ZNF425: variants seen among roughly 807,000 people sequenced by gnomAD.
ZNF425 encodes zinc finger protein 425.
A neutral mutation model predicts 17.0 loss-of-function variants in ZNF425; 21 were observed. That is an observed-to-expected ratio of 1.23 (90% CI 0.88 to 1.78). The LOEUF (loss-of-function observed/expected upper bound fraction) is 1.78. ZNF425 is among the 40% of genes most tolerant of loss of function. The pLI, the probability that ZNF425 is intolerant of heterozygous loss-of-function variation, is 0.00. For missense variants in ZNF425, 868 were observed against 967.3 expected, an observed-to-expected ratio of 0.90 and a Z score of 1.36; for synonymous variants, 433 against 384.1, an observed-to-expected ratio of 1.13 and a Z score of -1.49.
At chr7:149,112,329 C>T in intron 2 of ZNF425, 34 bp from the exon 3 acceptor site, 2 of 1,592,720 alleles carry the variant, frequency 1.3e-6, no homozygotes, top group Non-Finnish European at 1.7e-6. Flanking sequence ...TTTGAGTTTA[C>T]TGCATACTTA....
chr7:149,104,199 C>T lies in ZNF425; in HGVS notation c.1672G>A (p.Glu558Lys), dbSNP rs758903508. The T allele has an allele frequency of 6.2e-6, 10 of 1,612,682 alleles. 1 individual carries two copies. The East Asian group carries it at 1.1e-4, about 18-fold the overall frequency. The stretch of plus-strand genomic sequence containing the variant: ...TTCCAGGAGAAGCTCTTGTCGCACT[C>T]GGGACACTGGAAGGGCTCCTCGCCA... ...HSGEEPFQCP[E>K]CDKSFSWKAS... The change falls in exon 4 of 4, where the codon GAG becomes AAG. Residue 558 changes from glutamate to lysine, a missense_variant. Around this residue, in one of 5 missense-constraint regions of ZNF425, gnomAD observed 437 missense variants for 444.2 expected, o/e 0.98. Transcript: ENST00000378061. This position sits in a 1 kb window ranked among gnomAD's most constrained non-coding sequence, Gnocchi z 4.3.
chr7:149,117,984 T>C (rs79692066), intron 2 of ZNF425, among the ~76,000 whole-genome samples: 6 of 151,878 alleles, frequency 4.0e-5, no homozygotes, highest in Non-Finnish European at 7.4e-5. Context: ...GTGGGAGACA[T>C]TGGGGAGGGT....
At chr7:149,108,873 A>G (rs1216676154) in intron 3 of ZNF425, among the ~76,000 whole-genome samples, 1 of 152,042 alleles carries the variant, frequency 6.6e-6, no homozygotes, top group African/African-American at 2.4e-5. Context: ...GTTTGGTGAC[A>G]TAGCAAGACT....
chr7:149,117,098 TAAAAATGCAAA>T (rs1327296265), intron 2 of ZNF425, among the ~76,000 whole-genome samples: 1 of 151,638 alleles, frequency 6.6e-6, no homozygotes. Context: ...CCATCTCTAT[TAAAAATGCAAA>T]AAAAAATTAG....
intron 2 of ZNF425, among the ~76,000 whole-genome samples, chr7:149,115,638 CGAGATCGTGCCATTGCACTCCAGCCTGGG>C (rs1227103989): frequency 9.4e-5 from 14 of 149,670 alleles, no homozygotes; most frequent in African/African-American, 3.5e-4. Flanking sequence ...TGTAGTGAGC[CGAGATCGTGCCATTGCACTCCAGCCTGGG>C]TGACAGAGCG....
chr7:149,117,106 C>CA (rs369985692), intron 2 of ZNF425, among the ~76,000 whole-genome samples: 8 of 150,158 alleles, frequency 5.3e-5, no homozygotes, highest in Admixed American at 1.3e-4. Flanking sequence ...ATTAAAAATG[C>CA]AAAAAAAAAT....
chr7:149,104,264 C>A lies in ZNF425; in HGVS notation c.1607G>T (p.Arg536Leu). Reference protein sequence around the residue: ...FSCAECGRSFRRRAHLTEHTR... With the variant: ...FSCAECGRSFLRRAHLTEHTR... ...GTGCTCTGTGAGATGCGCGCGTCGG[C>A]GGAAACTGCGGCCGCACTCGGCGCA... The change falls in exon 4 of 4, where the codon CGC becomes CTC. Residue 536 changes from arginine (R) to leucine (L), a missense_variant. Physicochemically the swap from Arg to Leu is moderately radical, Grantham distance 102. This residue lies in a region of ZNF425 where 437 missense variants were observed against 444.2 expected (regional missense o/e 0.98). Coordinates refer to ENST00000378061, the MANE Select transcript of ZNF425 (RefSeq NM_001001661.3). The surrounding 1 kb of genome is among the most constrained non-coding windows in gnomAD (Gnocchi z 4.3). 6.2e-7 allele frequency: 1 copy of A among 1,613,580 alleles called. No individual in the cohort carries two copies. Among genetic ancestry groups the A allele is most frequent in the Non-Finnish European group, 8.5e-7 (1 of 1,179,866 alleles).
At chr7:149,120,107 A>G (rs2129518529) in intron 1 of ZNF425, among the ~76,000 whole-genome samples, 1 of 152,274 alleles carries the variant, frequency 6.6e-6, no homozygotes, top group South Asian at 2.1e-4. Context: ...TGCCATTTCA[A>G]GAATGTTGGC....
chr7:149,126,312 G>A lies in ZNF425; in HGVS notation c.-99C>T. On this transcript the variant is annotated 5_prime_UTR_variant, in exon 1 of 4. Coordinates refer to ENST00000378061, the MANE Select transcript of ZNF425 (RefSeq NM_001001661.3). Reference sequence around the variant, plus strand: ...AGCCCTGCTGGCCCCCAAAGGCAGAGCCGGCCGGGCGCGGTGCATGCTGGG... The same window carrying A: ...AGCCCTGCTGGCCCCCAAAGGCAGAACCGGCCGGGCGCGGTGCATGCTGGG... 1 of 1,491,820 alleles carries A rather than the reference G, an allele frequency of 6.7e-7. No individual in the cohort carries two copies. The highest frequency in any genetic ancestry group is 2.6e-5 in the East Asian group (1 of 38,868). 92.4% of individuals were successfully genotyped at this position (1,491,820 alleles called of 1,614,324 possible).
chr7:149,107,312 GATTT>G (rs915413085), intron 3 of ZNF425, among the ~76,000 whole-genome samples: 20 of 147,166 alleles, frequency 1.4e-4, no homozygotes, highest in African/African-American at 2.8e-4. Context: ...TTATAAGAAT[GATTT>G]ATTTATTTAT....
intron 2 of ZNF425, among the ~76,000 whole-genome samples, chr7:149,112,611 C>A (rs1198691758): frequency 6.6e-6 from 1 of 152,102 alleles, no homozygotes; most frequent in Non-Finnish European, 1.5e-5. Context: ...CCAGCCTAGG[C>A]AACAGACCGA....
intron 3 of ZNF425, among the ~76,000 whole-genome samples, chr7:149,110,985 G>C (rs1826165868): frequency 6.6e-6 from 1 of 151,558 alleles, no homozygotes; most frequent in Admixed American, 6.6e-5. Flanking sequence ...AGTAGAGAGG[G>C]GGTTTCGCCA....
At chr7:149,110,679 TA>T (rs1020640256) in intron 3 of ZNF425, among the ~76,000 whole-genome samples, 5 of 151,926 alleles carry the variant, frequency 3.3e-5, no homozygotes, top group African/African-American at 9.6e-5. Flanking sequence ...TTCTGTATAA[TA>T]AAAAAAATTT....
rs759229624 is a variant in ZNF425, at chr7:149,105,454, T to A, written c.417A>T (p.Gln139His). Residue 139 changes from glutamine (Q) to histidine (H), a missense_variant, in exon 4 of 4, where the codon CAA (glutamine) becomes CAT (histidine). Transcript: ENST00000378061. ...GACTTGGAGACTGGAAGGTGGCTGT[T>A]TGAGCTAATAAAATCTTTCTCTCTT... ...RGKERKILLA[Q>H]TATFQSPSLR... 1 of 1,535,538 alleles carries A rather than the reference T, an allele frequency of 6.5e-7. No individual in the cohort carries two copies. The highest frequency in any genetic ancestry group is 1.4e-5 in the African/African-American group (1 of 71,932).
chr7:149,117,260 A>G (rs942979352), intron 2 of ZNF425, among the ~76,000 whole-genome samples: 1 of 151,884 alleles, frequency 6.6e-6, no homozygotes, highest in African/African-American at 2.4e-5. Context: ...CAAAAAAAAA[A>G]AAGAAATGGT....
chr7:149,107,342 TTTA>T, intron 3 of ZNF425, among the ~76,000 whole-genome samples: 8 of 122,968 alleles, frequency 6.5e-5, no homozygotes, highest in African/African-American at 1.9e-4. Flanking sequence ...TATTTATTTA[TTTA>T]TTTTTTTTCT....
At chr7:149,122,228 G>A (rs186283547) in intron 1 of ZNF425, among the ~76,000 whole-genome samples, 16 of 151,862 alleles carry the variant, frequency 1.1e-4, no homozygotes, top group East Asian at 5.8e-4. Context: ...CACCACTCCC[G>A]GCCATCTTTT....
intron 1 of ZNF425, chr7:149,125,817 G>C (rs935689760): frequency 1.3e-5 from 5 of 388,060 alleles, no homozygotes; most frequent in Non-Finnish European, 1.4e-5. Flanking sequence ...CCCCTCCCTG[G>C]GGAACCTGGT....
chr7:149,104,416 G>C lies in ZNF425; in HGVS notation c.1455C>G (p.Leu485=). Residue 485 remains leucine (L), a synonymous_variant, in exon 4 of 4, where the codon CTC becomes CTG. Coordinates refer to ENST00000378061, the MANE Select transcript of ZNF425 (RefSeq NM_001001661.3). This position sits in a 1 kb window ranked among gnomAD's most constrained non-coding sequence, Gnocchi z 4.3. The part of the protein sequence containing the change: ...CGKRFTRPSK[L]ACHTRVHDRQ... Reference sequence around the variant, plus strand: ...TGTCGTGGACTCTGGTGTGGCAGGCGAGCTTGGAAGGCCGCGTGAAGCGCT... The same window carrying C: ...TGTCGTGGACTCTGGTGTGGCAGGCCAGCTTGGAAGGCCGCGTGAAGCGCT... 2 of 1,602,934 alleles carry C rather than the reference G, an allele frequency of 1.2e-6. No individual in the cohort carries two copies. The highest frequency in any genetic ancestry group is 1.7e-6 in the Non-Finnish European group (2 of 1,174,954).
Sources: gnomAD v4.1 joint callset for allele counts (sites outside exome capture counted in the v4.1 genomes callset) on GRCh38, gnomAD v4.1.1 for gene constraint, gnomAD v4.1.1 regional missense constraint, Gnocchi (gnomAD v3.1) non-coding constraint, MANE v1.5 for transcripts, NCBI Gene and HGNC (gene_info 2026-07-23, HGNC 2026-07-21) for gene names.